PABIR1: variants seen among roughly 807,000 people sequenced by gnomAD.
PABIR1 encodes PP2A Aalpha (PPP2R1A) and B55A (PPP2R2A) interacting phosphatase regulator 1, also known as PPP2R1A-PPP2R2A-interacting phosphatase regulator 1.
Under a neutral mutation model 14.6 loss-of-function variants are expected in PABIR1, and 2 were observed. The ratio of observed to expected loss-of-function variants is 0.14; its 90% CI spans 0.06 to 0.43. The LOEUF is 0.43. PABIR1 is among the 20% of genes least tolerant of loss of function. The pLI is 0.99. For synonymous variants in PABIR1, 163 were observed against 155.4 expected, an observed-to-expected ratio of 1.05 and a Z score of -0.36; for missense variants, 294 against 379.0, an observed-to-expected ratio of 0.78 and a Z score of 1.86.
rs1831216663 is a variant in PABIR1, at chr9:68,780,718, G to A, written c.554G>A (p.Arg185Gln). Residue 185 changes from arginine to glutamine, a missense_variant, in exon 1 of 1, where the codon CGG becomes CAG. By Grantham distance (43) the Arg-to-Gln change is conservative (BLOSUM62 1). Transcript: ENST00000394264. ...AGCCCAACGACCCGATTTACCACCC[G>A]GAGAAGCCAGAGCCCCATCAATTGC... is the stretch of plus-strand genomic sequence containing the variant. ...IPSPTTRFTT[R>Q]RSQSPINCIR... is the part of the protein sequence containing the mutation. 1.2e-6 allele frequency: 2 copies of A among 1,614,174 alleles called. No homozygotes were observed. The highest frequency in any genetic ancestry group is 1.7e-6 in the Non-Finnish European group (2 of 1,180,014).
In PABIR1 at chr9:68,782,583, T is replaced by G. The variant is rs1443739643; in HGVS notation, c.*1555T>G. 1 of 167,116 alleles carries G rather than the reference T, an allele frequency of 6.0e-6. No homozygotes were observed. Among genetic ancestry groups the G allele is most frequent in the Non-Finnish European group, 1.5e-5 (1 of 68,124 alleles). 10.4% of individuals were successfully genotyped at this position (167,116 alleles called of 1,614,324 possible). A position where few individuals can be genotyped will look rare whatever the true frequency, so the allele number is the denominator to read the frequency against. On this transcript the variant is annotated 3_prime_UTR_variant, in exon 1 of 1. Transcript: ENST00000394264. The stretch of plus-strand genomic sequence containing the variant: ...AGAGACTTTAACAATTTTGTGGAAT[T>G]TTTACAACTATGAGAGTAAATGGAA...
Position 68,780,943 on chromosome 9 carries a change from A to G in PABIR1, c.779A>G (p.Lys260Arg), listed in dbSNP as rs1831231769. 1.2e-6 allele frequency: 2 copies of G among 1,613,854 alleles called. No homozygotes were observed. The highest frequency in any genetic ancestry group is 1.7e-6 in the Non-Finnish European group (2 of 1,179,902). ...SAGSSCNSPA[K>R]VSTTTDSPVS... Reference sequence around the variant, plus strand: ...GGATCTTCTTGTAACTCACCAGCGAAAGTCAGCACTACCACCGACTCTCCT... The same window carrying G: ...GGATCTTCTTGTAACTCACCAGCGAGAGTCAGCACTACCACCGACTCTCCT... Residue 260 changes from lysine to arginine, a missense_variant, in exon 1 of 1, where the codon AAA becomes AGA. Lys to Arg is a conservative substitution (Grantham distance 26, BLOSUM62 2). Around this residue, in one of 3 missense-constraint regions of PABIR1, gnomAD observed 95 missense variants for 100.8 expected, o/e 0.94. Coordinates refer to ENST00000394264, the MANE Select transcript of PABIR1 (RefSeq NM_138333.5).
In PABIR1 at chr9:68,782,039, G is replaced by A. The variant is rs73646760; in HGVS notation, c.*1011G>A. On this transcript the variant is annotated 3_prime_UTR_variant, in exon 1 of 1. Coordinates refer to ENST00000394264, the MANE Select transcript of PABIR1 (RefSeq NM_138333.5). ...CACAGCAATTTTTGGCTACTTTTCT[G>A]CTCTGCCCATCTGTCACCTTACTGG... The A allele has an allele frequency of 1.2e-5, 2 of 167,166 alleles. No homozygotes were observed. Among genetic ancestry groups the A allele is most frequent in the African/African-American group, 4.8e-5 (2 of 41,560 alleles). 10.4% of individuals were successfully genotyped at this position (167,166 alleles called of 1,614,324 possible).
rs986310461 is a variant in PABIR1, at chr9:68,780,361, C to G, written c.197C>G (p.Pro66Arg). ...GCCAGGCGGAACAGCACAACGTTCC[C>G]GAGCCGCCACGGCCTGCTGCTGCCG... The part of the protein sequence containing the change: ...PSARRNSTTF[P>R]SRHGLLLPAS... Residue 66 changes from proline to arginine, a missense_variant, in exon 1 of 1, where the codon CCG (proline) becomes CGG (arginine). Physicochemically the swap from Pro to Arg is moderately radical, Grantham distance 103. This residue lies in a region of PABIR1 where 96 missense variants were observed against 102.2 expected (regional missense o/e 0.94). Transcript: ENST00000394264. The G allele has an allele frequency of 3.1e-6, 5 of 1,612,216 alleles. No individual in the cohort carries two copies. The highest frequency in any genetic ancestry group is 4.2e-6 in the Non-Finnish European group (5 of 1,179,446).
At position 68,781,195 on chromosome 9, in the gene PABIR1, C is replaced by T; in HGVS notation, c.*167C>T. On this transcript the variant is annotated 3_prime_UTR_variant, in exon 1 of 1. Coordinates refer to ENST00000394264, the MANE Select transcript of PABIR1 (RefSeq NM_138333.5). ...TCTAGAGAACTTCTATGTCAGGTTC[C>T]TTTGGATACCCTTGAATTCAGTGTA... 1 of 850,592 alleles carries T rather than the reference C, an allele frequency of 1.2e-6. No homozygotes were observed. Among genetic ancestry groups the T allele is most frequent in the East Asian group, 2.6e-5 (1 of 38,304 alleles). 52.7% of individuals were successfully genotyped at this position (850,592 alleles called of 1,614,324 possible). A position where few individuals can be genotyped will look rare whatever the true frequency, so the allele number is the denominator to read the frequency against.
rs1190543498 is a variant in PABIR1, at chr9:68,784,651, A to T, written c.*3623A>T. The T allele has an allele frequency of 6.0e-6, 1 of 166,364 alleles. No individual in the cohort carries two copies. Among genetic ancestry groups the T allele is most frequent in the African/African-American group, 2.4e-5 (1 of 41,446 alleles). The allele number at this position is 166,364 out of a possible 1,614,324, so 10.3% of individuals were successfully genotyped here. ...TTTTTTCAGGGTGTGTTTATAGATTAGTAGAACAATTTTGAAGATCTAACA... is the reference window on the plus strand; with the variant it reads ...TTTTTTCAGGGTGTGTTTATAGATTTGTAGAACAATTTTGAAGATCTAACA... On this transcript the variant is annotated 3_prime_UTR_variant, in exon 1 of 1. Transcript: ENST00000394264.
Position 68,781,643 on chromosome 9 carries a change from A to G in PABIR1, c.*615A>G, listed in dbSNP as rs771956767. The G allele has an allele frequency of 6.0e-6, 1 of 166,968 alleles. No individual in the cohort carries two copies. Among genetic ancestry groups the G allele is most frequent in the Non-Finnish European group, 1.5e-5 (1 of 68,140 alleles). The allele number at this position is 166,968 out of a possible 1,614,324, so 10.3% of individuals were successfully genotyped here. On this transcript the variant is annotated 3_prime_UTR_variant, in exon 1 of 1. Transcript: ENST00000394264. The stretch of plus-strand genomic sequence containing the variant: ...TTGAACAAATCTTTTCAAATTAAGT[A>G]TATAAAAGTAAACTTTTAAGAAAAA...
At position 68,785,402 on chromosome 9, in the gene PABIR1, C is replaced by G. The variant is rs1831552667; in HGVS notation, c.*4374C>G. Among the ~76,000 whole-genome samples the G allele has an allele frequency of 6.6e-6, 1 of 152,160 alleles. No individual in the cohort carries two copies. Among genetic ancestry groups the G allele is most frequent in the South Asian group, 2.1e-4 (1 of 4,824 alleles). On this transcript the variant is annotated 3_prime_UTR_variant, in exon 1 of 1. Coordinates refer to ENST00000394264, the MANE Select transcript of PABIR1 (RefSeq NM_138333.5). ...TAGAGAATCAGGGCTGAAGGCAAGC[C>G]TTGAGTGCCACTTACTTGGTAAAAA... is the stretch of plus-strand genomic sequence containing the variant.
Position 68,780,071 on chromosome 9 carries a change from T to C in PABIR1, c.-94T>C, listed in dbSNP as rs866981826. ...GAGGGGCCAGCCCGCTGACAGATTC[T>C]CGGTGGCGGCGGCAGCGGCGGCGGC... is the stretch of plus-strand genomic sequence containing the variant. On this transcript the variant is annotated 5_prime_UTR_variant, in exon 1 of 1. Transcript: ENST00000394264. The C allele has an allele frequency of 1.1e-5, 15 of 1,425,476 alleles. No homozygotes were observed. The African/African-American group carries it at 1.9e-4, about 18-fold the overall frequency. 88.3% of individuals were successfully genotyped at this position (1,425,476 alleles called of 1,614,324 possible).
rs1453058551 is a variant in PABIR1 at position 68,783,408 on chromosome 9, A to G, written c.*2380A>G. ...CAAATTGCACGTGAGTTTAAGTATG[A>G]AGGCAATGTATACCTGCTGATTGTA... On this transcript the variant is annotated 3_prime_UTR_variant, in exon 1 of 1. Transcript: ENST00000394264. 6.0e-6 allele frequency: 1 copy of G among 166,990 alleles called. No homozygotes were observed. Among genetic ancestry groups the G allele is most frequent in the East Asian group, 1.9e-4 (1 of 5,206 alleles). 10.3% of individuals were successfully genotyped at this position (166,990 alleles called of 1,614,324 possible).
rs113802660 is a variant in PABIR1, at chr9:68,780,128, C to T, written c.-37C>T. ...CTGCGGGGAATGGGAATCCTAGGTC[C>T]CTGACTGAGCACCTCCCCCGCCTCC... On this transcript the variant is annotated 5_prime_UTR_variant, in exon 1 of 1. Transcript: ENST00000394264. The T allele has an allele frequency of 2.0e-4, 303 of 1,504,666 alleles. 1 individual carries two copies. In the African/African-American group the frequency reaches 3.7e-3, roughly 18 times the overall value. The allele number at this position is 1,504,666 out of a possible 1,614,324, so 93.2% of individuals were successfully genotyped here.
chr9:68,784,611 G>T lies in PABIR1; in HGVS notation c.*3583G>T. On this transcript the variant is annotated 3_prime_UTR_variant, in exon 1 of 1. Coordinates refer to ENST00000394264, the MANE Select transcript of PABIR1 (RefSeq NM_138333.5). ...GAATCAAGACTTAAATGAGGAAAGTGAGTCTGAGAACATTTTTTTTCAGGG... is the reference window on the plus strand; with the variant it reads ...GAATCAAGACTTAAATGAGGAAAGTTAGTCTGAGAACATTTTTTTTCAGGG... The T allele has an allele frequency of 6.0e-6, 1 of 167,076 alleles. No homozygotes were observed. 10.3% of individuals were successfully genotyped at this position (167,076 alleles called of 1,614,324 possible). A position where few individuals can be genotyped will look rare whatever the true frequency, so the allele number is the denominator to read the frequency against.
At position 68,780,927 on chromosome 9, in the gene PABIR1, T is replaced by C; in HGVS notation, c.763T>C (p.Cys255Arg). ...DGNSSSAGSS[C>R]NSPAKVSTTT... ...AAACAGCAGCAGTGCCGGATCTTCT[T>C]GTAACTCACCAGCGAAAGTCAGCAC... Residue 255 changes from cysteine to arginine, a missense_variant, in exon 1 of 1, where the codon TGT (cysteine) becomes CGT (arginine). Cys to Arg is a radical substitution (Grantham distance 180, BLOSUM62 -3). Coordinates refer to ENST00000394264, the MANE Select transcript of PABIR1 (RefSeq NM_138333.5). The C allele has an allele frequency of 6.2e-7, 1 of 1,614,182 alleles. No homozygotes were observed. The highest frequency in any genetic ancestry group is 8.5e-7 in the Non-Finnish European group (1 of 1,180,010).
Position 68,782,881 on chromosome 9 carries a change from T to A in PABIR1, c.*1853T>A, listed in dbSNP as rs987811023. ...GCATTAGCTCAATTGATGTCATCAC[T>A]GATTTCCTAAACTAGAAACTATGGA... On this transcript the variant is annotated 3_prime_UTR_variant, in exon 1 of 1. Coordinates refer to ENST00000394264, the MANE Select transcript of PABIR1 (RefSeq NM_138333.5). The A allele has an allele frequency of 2.4e-5, 4 of 167,230 alleles. No homozygotes were observed. Among genetic ancestry groups the A allele is most frequent in the South Asian group, 4.1e-4 (2 of 4,832 alleles). The allele number at this position is 167,230 out of a possible 1,614,324, so 10.4% of individuals were successfully genotyped here.
rs1288340266 is a variant in PABIR1, at chr9:68,784,565, T to A, written c.*3537T>A. On this transcript the variant is annotated 3_prime_UTR_variant, in exon 1 of 1. Transcript: ENST00000394264. The stretch of plus-strand genomic sequence containing the variant: ...TACCTGTAGCAAGAGACCAGTTTAT[T>A]TGGCAATAAAATTGGGGAAGGAATC... 6.0e-6 allele frequency: 1 copy of A among 166,976 alleles called. No homozygotes were observed. Among genetic ancestry groups the A allele is most frequent in the Non-Finnish European group, 1.5e-5 (1 of 68,122 alleles). The allele number at this position is 166,976 out of a possible 1,614,324, so 10.3% of individuals were successfully genotyped here.
Position 68,781,323 on chromosome 9 carries a change from C to T in PABIR1, c.*295C>T, listed in dbSNP as rs8114. The T allele has an allele frequency of 0.59, 160,415 of 270,582 alleles. 49,018 individuals are homozygous for T. The highest frequency in any genetic ancestry group is 0.66 in the Non-Finnish European group (88,488 of 134,364). 16.8% of individuals were successfully genotyped at this position (270,582 alleles called of 1,614,324 possible). A position where few individuals can be genotyped will look rare whatever the true frequency, so the allele number is the denominator to read the frequency against. ...GTTATCCCTTGATTTTTTTAAATAACTGAGAGCTCTATTTATTTATGGGAT... is the reference window on the plus strand; with the variant it reads ...GTTATCCCTTGATTTTTTTAAATAATTGAGAGCTCTATTTATTTATGGGAT... On this transcript the variant is annotated 3_prime_UTR_variant, in exon 1 of 1. Coordinates refer to ENST00000394264, the MANE Select transcript of PABIR1 (RefSeq NM_138333.5).
rs1156859610 is a variant in PABIR1, at chr9:68,780,797, A to G, written c.633A>G (p.Glu211=). Residue 211 remains glutamate (E), a synonymous_variant, in exon 1 of 1, where the codon GAA becomes GAG. Coordinates refer to ENST00000394264, the MANE Select transcript of PABIR1 (RefSeq NM_138333.5). Reference sequence around the variant, plus strand: ...AAAGAAAATGTGAAATGGAAACTGAATATCAGCCAAAGAGATTTTTCCAGG... The same window carrying G: ...AAAGAAAATGTGAAATGGAAACTGAGTATCAGCCAAAGAGATTTTTCCAGG... ...PLKRKCEMET[E]YQPKRFFQGI... 7 of 1,614,122 alleles carry G rather than the reference A, an allele frequency of 4.3e-6. No homozygotes were observed. The highest frequency in any genetic ancestry group is 1.7e-5 in the Admixed American group (1 of 60,004).
At position 68,781,567 on chromosome 9, in the gene PABIR1, G is replaced by C. The variant is rs1831280065; in HGVS notation, c.*539G>C. ...GAATTCTTGGATATTTAGTTTTCTGGGTACTGAAGTGGATGGGAGGGGGAA... is the reference window on the plus strand; with the variant it reads ...GAATTCTTGGATATTTAGTTTTCTGCGTACTGAAGTGGATGGGAGGGGGAA... On this transcript the variant is annotated 3_prime_UTR_variant, in exon 1 of 1. Transcript: ENST00000394264. The C allele has an allele frequency of 6.0e-6, 1 of 166,608 alleles. No homozygotes were observed. The highest frequency in any genetic ancestry group is 1.5e-5 in the Non-Finnish European group (1 of 68,172). 10.3% of individuals were successfully genotyped at this position (166,608 alleles called of 1,614,324 possible).
At position 68,785,329 on chromosome 9, in the gene PABIR1, A is replaced by G. The variant is rs936515596; in HGVS notation, c.*4301A>G. The stretch of plus-strand genomic sequence containing the variant: ...ACAAAGTATAGAGAATCTGGTCTCA[A>G]TGTAGGTCTCTCACTCCAGCAGTTT... On this transcript the variant is annotated 3_prime_UTR_variant, in exon 1 of 1. Transcript: ENST00000394264. Among the ~76,000 whole-genome samples the G allele has an allele frequency of 5.9e-5, 9 of 152,234 alleles. No individual in the cohort carries two copies. Among genetic ancestry groups the G allele is most frequent in the Admixed American group, 5.9e-4 (9 of 15,300 alleles).
Sources: gnomAD v4.1 joint callset for allele counts (sites outside exome capture counted in the v4.1 genomes callset) on GRCh38, gnomAD v4.1.1 for gene constraint, gnomAD v4.1.1 regional missense constraint, MANE v1.5 for transcripts, NCBI Gene and HGNC (gene_info 2026-07-23, HGNC 2026-07-21) for gene names.